Variants in ALK observed in about 807,000 individuals in gnomAD.
ALK encodes ALK tyrosine kinase receptor.
ALK carries 74 observed loss-of-function variants against 163.1 expected under a neutral mutation model. The ratio of observed to expected loss-of-function variants is 0.45; its 90% CI spans 0.38 to 0.55. The LOEUF is 0.55. Among genes scored for constraint, ALK ranks in the 20% least tolerant of loss-of-function variants. The pLI, the probability that ALK is intolerant of heterozygous loss-of-function variation, is 0.00. For missense variants in ALK, 2,063 were observed against 2,105.3 expected (o/e 0.98, Z 0.39); for synonymous variants, 960 against 843.2 (o/e 1.14, Z -2.40).
intron 1 of ALK, among the ~76,000 whole-genome samples, chr2:29,888,656 G>A (rs1338961173): frequency 1.3e-5 from 2 of 152,044 alleles, no homozygotes; most frequent in Non-Finnish European, 2.9e-5. Flanking sequence ...AATTAGCTCT[G>A]GAGTACTGAA....
At chr2:29,502,991 G>C (rs1672225517) in intron 4 of ALK, among the ~76,000 whole-genome samples, 1 of 152,182 alleles carries the variant, frequency 6.6e-6, no homozygotes, top group Non-Finnish European at 1.5e-5. Flanking sequence ...AGGGTAGATT[G>C]TCTTTATGCA....
At chr2:29,905,084 T>C (rs1439663163) in intron 1 of ALK, among the ~76,000 whole-genome samples, 1 of 152,250 alleles carries the variant, frequency 6.6e-6, no homozygotes, top group Non-Finnish European at 1.5e-5. Flanking sequence ...CTTCTCCAGA[T>C]GCCACCACAC....
intron 3 of ALK, among the ~76,000 whole-genome samples, chr2:29,649,217 TGAGAGAGAGA>T (rs141534978): frequency 1.4e-5 from 2 of 147,540 alleles, no homozygotes; most frequent in South Asian, 4.3e-4. Flanking sequence ...TGTGTGTATG[TGAGAGAGAGA>T]GAGAGAGAGA....
At chr2:29,397,112 T>A (rs1669329854) in intron 4 of ALK, among the ~76,000 whole-genome samples, 2 of 152,108 alleles carry the variant, frequency 1.3e-5, no homozygotes, top group Admixed American at 1.3e-4. Context: ...AAGGTATGTT[T>A]AAGTCTTAAC....
chr2:29,841,427 A>T (rs1431372011), intron 1 of ALK, among the ~76,000 whole-genome samples: 3 of 152,256 alleles, frequency 2.0e-5, no homozygotes, highest in African/African-American at 7.2e-5. Flanking sequence ...CTTCTATTGC[A>T]TTCATGGCAG....
chr2:29,345,655 G>A (rs537837965), intron 5 of ALK, among the ~76,000 whole-genome samples: 4 of 151,902 alleles, frequency 2.6e-5, no homozygotes, highest in South Asian at 4.2e-4. Flanking sequence ...GTTATCAGAC[G>A]CTTAGATCTA....
intron 4 of ALK, among the ~76,000 whole-genome samples, chr2:29,499,859 C>G (rs1229055755): frequency 6.6e-6 from 1 of 152,124 alleles, no homozygotes; most frequent in African/African-American, 2.4e-5. Context: ...TCTTGTCACC[C>G]TTGCCAGCCA....
chr2:29,412,859 C>A (rs1248010526), intron 4 of ALK, among the ~76,000 whole-genome samples: 1 of 152,276 alleles, frequency 6.6e-6, no homozygotes, highest in East Asian at 1.9e-4. Context: ...TGTATCTGGT[C>A]TTTAATCCAA....
intron 4 of ALK, among the ~76,000 whole-genome samples, chr2:29,526,375 C>T (rs1573429928): frequency 1.3e-5 from 2 of 152,186 alleles, no homozygotes; most frequent in Non-Finnish European, 2.9e-5. Context: ...CTTCGAGCTA[C>T]GTGATTGCTC....
At chr2:29,485,318 G>A (rs1411215192) in intron 4 of ALK, among the ~76,000 whole-genome samples, 1 of 152,156 alleles carries the variant, frequency 6.6e-6, no homozygotes, top group African/African-American at 2.4e-5. Context: ...CTTATCTGCT[G>A]AGCTGACACT....
chr2:29,564,193 G>A (rs1674108370), intron 3 of ALK, among the ~76,000 whole-genome samples: 1 of 151,258 alleles, frequency 6.6e-6, no homozygotes, highest in Non-Finnish European at 1.5e-5. Flanking sequence ...AGCTACATGG[G>A]AAGCTACCTT....
chr2:29,892,842 A>AG (rs909351573), intron 1 of ALK, among the ~76,000 whole-genome samples: 13 of 152,142 alleles, frequency 8.5e-5, no homozygotes, highest in South Asian at 2.1e-4. Flanking sequence ...CTTGTGGTAG[A>AG]GGGGGGAGAA....
intron 4 of ALK, among the ~76,000 whole-genome samples, chr2:29,396,908 A>C (rs1217468501): frequency 2.5e-5 from 3 of 118,114 alleles, no homozygotes; most frequent in African/African-American, 1.0e-4. Context: ...GGTGTTTTTC[A>C]GGAATACACC....
intron 1 of ALK, among the ~76,000 whole-genome samples, chr2:29,886,806 AAC>A (rs1351717525): frequency 1.3e-5 from 2 of 152,256 alleles, no homozygotes; most frequent in African/African-American, 2.4e-5. Flanking sequence ...TAGCTGATAT[AAC>A]ACAGCACAGC....
chr2:29,760,186 C>T (rs13412883), intron 1 of ALK, among the ~76,000 whole-genome samples: 2,659 of 152,094 alleles, frequency 0.017, 91 homozygotes, highest in African/African-American at 0.061. Context: ...CACATCCCTA[C>T]ACACCTACAC....
intron 5 of ALK, among the ~76,000 whole-genome samples, chr2:29,359,316 C>T (rs144512595): frequency 3.0e-4 from 45 of 152,292 alleles, no homozygotes; most frequent in African/African-American, 1.0e-3. Context: ...AGGTCTCCTC[C>T]ATACTTCTGG....
intron 5 of ALK, among the ~76,000 whole-genome samples, chr2:29,336,447 C>T: frequency 6.6e-6 from 1 of 152,236 alleles, no homozygotes; most frequent in East Asian, 1.9e-4. Flanking sequence ...CATCCTGGAA[C>T]ATCTCTCCTG....
intron 4 of ALK, among the ~76,000 whole-genome samples, chr2:29,454,061 T>C (rs1236173223): frequency 6.6e-6 from 1 of 152,216 alleles, no homozygotes; most frequent in Non-Finnish European, 1.5e-5. Context: ...CGGATGGAAC[T>C]GTCACAGTCT....
intron 3 of ALK, among the ~76,000 whole-genome samples, chr2:29,686,993 A>C (rs1678260480): frequency 6.6e-6 from 1 of 152,104 alleles, no homozygotes; most frequent in African/African-American, 2.4e-5. Context: ...TGTTTCTACA[A>C]ACAGAACCAG....
Sources: allele counts gnomAD v4.1 joint callset (sites outside exome capture counted in the v4.1 genomes callset), GRCh38; gene constraint gnomAD v4.1.1; transcripts MANE v1.5; gene names NCBI Gene and HGNC (gene_info 2026-07-23, HGNC 2026-07-21).